The following ZNF91 variants were observed in gnomAD, a reference collection of about 807,000 sequenced individuals.
The protein encoded by ZNF91 is zinc finger protein 91 (HPF7, HTF10).
In ZNF91, 7 loss-of-function variants were observed where a neutral mutation model predicts 12.6. That is an observed-to-expected ratio of 0.55 (90% CI 0.31 to 1.04). The LOEUF (loss-of-function observed/expected upper bound fraction) is 1.04. Ranked by LOEUF, ZNF91 falls within the 50% of genes least tolerant of loss-of-function variation. The probability of loss-of-function intolerance (pLI) is 0.05; values close to 1 mark genes in which losing one functional copy is unlikely to be tolerated. For synonymous variants in ZNF91, 453 were observed against 462.6 expected (o/e 0.98, Z 0.27); for missense variants, 1,217 against 1,385.4 (o/e 0.88, Z 1.93).
chr19:23,330,709 A>G (rs1967913475), intron 1 of ZNF91, among the ~76,000 whole-genome samples: 1 of 152,220 alleles, frequency 6.6e-6, no homozygotes, highest in Admixed American at 6.5e-5. Flanking sequence ...TACTTTAAAA[A>G]GCCCTCCCTA....
chr19:23,323,286 C>T (rs1967750746), intron 1 of ZNF91, among the ~76,000 whole-genome samples: 1 of 146,710 alleles, frequency 6.8e-6, no homozygotes, highest in Non-Finnish European at 1.5e-5. Flanking sequence ...CTTCTCTCCT[C>T]CTCCCCTCCT....
At position 23,359,240 on chromosome 19, in the gene ZNF91, TGA is replaced by T; in HGVS notation, c.*161_*162del. 2.5e-6 allele frequency: 1 copy of T among 396,076 alleles called. No homozygotes were observed. Among genetic ancestry groups the T allele is most frequent in the Non-Finnish European group, 4.6e-6 (1 of 217,764 alleles). 24.5% of individuals were successfully genotyped at this position (396,076 alleles called of 1,614,324 possible). A position where few individuals can be genotyped will look rare whatever the true frequency, so the allele number is the denominator to read the frequency against. On this transcript the variant is annotated 3_prime_UTR_variant, in exon 4 of 4. Coordinates refer to ENST00000300619, the MANE Select transcript of ZNF91 (RefSeq NM_003430.4). ...GTATGAATTTTCTTTTTTTTTTTTT[TGA>T]GACGGAGTCTCGCTCTGTCGCCCAG...
chr19:23,363,128 G>C (rs940909745), intron 3 of ZNF91, among the ~76,000 whole-genome samples: 12 of 152,160 alleles, frequency 7.9e-5, no homozygotes, highest in African/African-American at 2.9e-4. Flanking sequence ...AGAAAAAAAA[G>C]AAAAGTCTGT....
intron 1 of ZNF91, among the ~76,000 whole-genome samples, chr19:23,377,415 C>A (rs1047706509): frequency 3.3e-5 from 5 of 152,160 alleles, no homozygotes; most frequent in Admixed American, 3.3e-4. Context: ...TAACCACTTA[C>A]CTAAGCATTG....
intron 1 of ZNF91, among the ~76,000 whole-genome samples, chr19:23,331,044 G>C (rs1967921065): frequency 6.6e-6 from 1 of 152,198 alleles, no homozygotes; most frequent in Admixed American, 6.5e-5. Flanking sequence ...ATTTTGGAGA[G>C]TGCTGGATAA....
At chr19:23,373,892 C>G in intron 2 of ZNF91, 55 bp from the exon 3 acceptor site, 2 of 1,309,122 alleles carry the variant, frequency 1.5e-6, no homozygotes, top group Middle Eastern at 1.9e-4. Flanking sequence ...CACCTGCCAA[C>G]TTAGTAATGT....
At chr19:23,322,762 CTTT>C (rs1247802137) in intron 1 of ZNF91, among the ~76,000 whole-genome samples, 1 of 145,454 alleles carries the variant, frequency 6.9e-6, no homozygotes, top group South Asian at 2.3e-4. Flanking sequence ...TCTCCTGCTC[CTTT>C]TTCTTTCTCC....
Position 23,359,558 on chromosome 19 carries a change from T to C in ZNF91, c.3421A>G (p.Lys1141Glu). 6.2e-7 allele frequency: 1 copy of C among 1,614,104 alleles called. No homozygotes were observed. Among genetic ancestry groups the C allele is most frequent in the Non-Finnish European group, 8.5e-7 (1 of 1,179,948 alleles). The part of the protein sequence containing the change: ...EKPYKCEKCG[K>E]AFNQSSILTN... ...AGGATTGAAGACTGGTTAAAGGCTT[T>C]GCCACATTTTTCACATTTGTAGGGT... The change falls in exon 4 of 4, where the codon AAA becomes GAA. Residue 1141 changes from lysine (K) to glutamate (E), a missense_variant. Coordinates refer to ENST00000300619, the MANE Select transcript of ZNF91 (RefSeq NM_003430.4).
intron 3 of ZNF91, among the ~76,000 whole-genome samples, chr19:23,347,280 T>C (rs12979525): frequency 0.19 from 28,632 of 152,094 alleles, 2,917 homozygotes; most frequent in Non-Finnish European, 0.21. Flanking sequence ...CACTCGTCCA[T>C]CTGGAAAGAA....
intron 1 of ZNF91, chr19:23,328,180 G>A (rs1299864412): frequency 6.6e-6 from 1 of 152,094 alleles, no homozygotes; most frequent in African/African-American, 2.4e-5. Context: ...TCTCATTAAA[G>A]ATAGATCACA....
rs998215284 is a variant in ZNF91, at chr19:23,359,592, A to G, written c.3387T>C (p.Thr1129=). 3 of 1,614,044 alleles carry G rather than the reference A, an allele frequency of 1.9e-6. No homozygotes were observed. The highest frequency in any genetic ancestry group is 4.5e-5 in the East Asian group (2 of 44,880). ...SALTKHKIIH[T]GEKPYKCEKC... is the part of the protein sequence containing the mutation. Reference sequence around the variant, plus strand: ...TTTCACATTTGTAGGGTTTCTCTCCAGTGTGAATTATCTTATGTTTAGTAA... The same window carrying G: ...TTTCACATTTGTAGGGTTTCTCTCCGGTGTGAATTATCTTATGTTTAGTAA... Residue 1129 remains threonine, a synonymous_variant, in exon 4 of 4, where the codon ACT becomes ACC. Coordinates refer to ENST00000300619, the MANE Select transcript of ZNF91 (RefSeq NM_003430.4).
upstream of ZNF91, among the ~76,000 whole-genome samples, chr19:23,315,254 C>G (rs192699044): frequency 4.1e-3 from 620 of 152,106 alleles, 9 homozygotes; most frequent in African/African-American, 0.014. Context: ...ATGGCTGGGT[C>G]CAACACCTAG....
chr19:23,394,673 A>C (rs1970172340), intron 1 of ZNF91, among the ~76,000 whole-genome samples: 1 of 152,128 alleles, frequency 6.6e-6, no homozygotes, highest in Admixed American at 6.5e-5. Context: ...GGTTGCGGTG[A>C]GCCGAGATCA....
intron 1 of ZNF91, among the ~76,000 whole-genome samples, chr19:23,390,312 G>T (rs1429538419): frequency 6.6e-6 from 1 of 151,888 alleles, no homozygotes; most frequent in Non-Finnish European, 1.5e-5. Context: ...GTAAAACTCC[G>T]TCTCAGAAAA....
At chr19:23,332,878 T>C (rs1030403623) in intron 1 of ZNF91, among the ~76,000 whole-genome samples, 22 of 152,190 alleles carry the variant, frequency 1.4e-4, no homozygotes, top group African/African-American at 4.8e-4. Flanking sequence ...AGCAGAATAC[T>C]AGCAGGCTGA....
chr19:23,361,574 T>C lies in ZNF91; in HGVS notation c.1405A>G (p.Lys469Glu). 1 of 1,613,876 alleles carries C rather than the reference T, an allele frequency of 6.2e-7. No individual in the cohort carries two copies. The highest frequency in any genetic ancestry group is 8.5e-7 in the Non-Finnish European group (1 of 1,179,862). Reference sequence around the variant, plus strand: ...AGGGTTGAAGACCATATAAATGCTTTGCCACATTCTTTACATTTGAAGGGT... The same window carrying C: ...AGGGTTGAAGACCATATAAATGCTTCGCCACATTCTTTACATTTGAAGGGT... Reference protein sequence around the residue: ...EKPFKCKECGKAFIWSSTLTR... With the variant: ...EKPFKCKECGEAFIWSSTLTR... The change falls in exon 4 of 4, where the codon AAA (lysine) becomes GAA (glutamate). Residue 469 changes from lysine (K) to glutamate (E), a missense_variant. Coordinates refer to ENST00000300619, the MANE Select transcript of ZNF91 (RefSeq NM_003430.4).
At chr19:23,344,458 A>T (rs948768323) in intron 3 of ZNF91, among the ~76,000 whole-genome samples, 1 of 152,186 alleles carries the variant, frequency 6.6e-6, no homozygotes. Context: ...TTCAAGCCAC[A>T]TATGATGCCC....
intron 1 of ZNF91, among the ~76,000 whole-genome samples, chr19:23,387,671 G>A (rs935830801): frequency 7.2e-5 from 11 of 152,208 alleles, no homozygotes; most frequent in African/African-American, 2.7e-4. Flanking sequence ...CCACCACGAT[G>A]GCTCATGCCT....
rs1159350564 is a variant in ZNF91, at chr19:23,322,130, T to G, written n.117-13033A>C. ...ATCGTCCCTGCCCCTTGGGGGTGAT[T>G]GTGACATATAGCTGGCTGTAGCCCC... On this transcript the variant is annotated intron_variant and non_coding_transcript_variant, in intron 1 of 1. Transcript: ENST00000596528. Among the ~76,000 whole-genome samples, 4 of 152,298 alleles carry G rather than the reference T, an allele frequency of 2.6e-5. No individual in the cohort carries two copies. In the East Asian group the frequency reaches 7.7e-4, roughly 29 times the overall value.
Sources: gnomAD v4.1 joint callset for allele counts (sites outside exome capture counted in the v4.1 genomes callset) on GRCh38, gnomAD v4.1.1 for gene constraint, MANE v1.5 for transcripts, NCBI Gene and HGNC (gene_info 2026-07-23, HGNC 2026-07-21) for gene names.